The following TEX35 variants were observed in gnomAD, a reference collection of about 807,000 sequenced individuals.
TEX35 encodes the protein testis-expressed protein 35.
A neutral mutation model predicts 31.9 loss-of-function variants in TEX35; 26 were observed. The observed-to-expected ratio is 0.81, with a 90% CI of 0.60 to 1.13. The LOEUF is 1.13. TEX35 is among the 50% of genes most tolerant of loss of function. The pLI, the probability that TEX35 is intolerant of heterozygous loss-of-function variation, is 0.00. For synonymous variants in TEX35, 87 were observed against 90.7 expected (o/e 0.96, Z 0.23); for missense variants, 278 against 273.5 (o/e 1.02, Z -0.12).
Position 178,513,138 on chromosome 1 carries a change from G to T in TEX35, c.-51G>T. On this transcript the variant is annotated 5_prime_UTR_variant, in exon 1 of 9. Transcript: ENST00000319416. ...TGTAAGTTGCCTAGGACAGTGGCCT[G>T]GTCCCAGGGGCTGTTGTGGGGAGTT... is the stretch of plus-strand genomic sequence containing the variant. 6.3e-7 allele frequency: 1 copy of T among 1,595,940 alleles called. No individual in the cohort carries two copies. The highest frequency in any genetic ancestry group is 1.7e-5 in the Admixed American group (1 of 60,014).
At chr1:178,520,597 G>C (rs73040014) in intron 6 of TEX35, 76 bp from the exon 7 acceptor site, 1 of 1,591,720 alleles carries the variant, frequency 6.3e-7, no homozygotes, top group Non-Finnish European at 8.6e-7. Context: ...ATGGCCACCC[G>C]TGTACTGGTT....
At chr1:178,516,005 G>T in intron 4 of TEX35, 90 bp downstream of exon 4, 1 of 997,218 alleles carries the variant, frequency 1.0e-6, no homozygotes, top group South Asian at 1.4e-5. Context: ...AGGAAAGCAG[G>T]AATTGCATGG....
At chr1:178,523,193 T>C (rs1406230301), downstream of TEX35, 1 of 649,016 alleles carries the variant, frequency 1.5e-6, no homozygotes, top group Non-Finnish European at 2.8e-6. Flanking sequence ...TCCTCATTCA[T>C]CTGTTGATGA....
In TEX35 at chr1:178,521,174, T is replaced by G. The variant is rs202003188; in HGVS notation, c.544-48T>G. The G allele has an allele frequency of 2.0e-3, 3,291 of 1,613,802 alleles. 7 individuals are homozygous for G. The highest frequency in any genetic ancestry group is 2.6e-3 in the South Asian group (241 of 91,064). ...AAGGTGCCTAGCAGGCTGCCCTTCTTGGACCAGGGGAAATTGATCTTTCTT... is the reference window on the plus strand; with the variant it reads ...AAGGTGCCTAGCAGGCTGCCCTTCTGGGACCAGGGGAAATTGATCTTTCTT... On this transcript the variant is annotated intron_variant, in intron 7 of 8. Coordinates refer to ENST00000319416, the MANE Select transcript of TEX35 (RefSeq NM_032126.5).
intron 1 of TEX35, 27 bp from the exon 2 acceptor site, chr1:178,514,000 C>G (rs560745203): frequency 1.2e-6 from 2 of 1,612,378 alleles, no homozygotes; most frequent in Non-Finnish European, 1.7e-6. Context: ...GTCTGCCAGC[C>G]TGAATCTCAG....
At chr1:178,523,149 G>A (rs73040020), downstream of TEX35, among the ~76,000 whole-genome samples, 9,677 of 152,234 alleles carry the variant, frequency 0.064, 1,062 homozygotes, top group African/African-American at 0.22. Context: ...TTTTATGGCT[G>A]AATAGAACTC....
At chr1:178,520,992 C>T in intron 7 of TEX35, 118 bp downstream of exon 7, 1 of 1,548,462 alleles carries the variant, frequency 6.5e-7, no homozygotes. Flanking sequence ...CCGCTGCTGA[C>T]TTCTGGGTGC....
At chr1:178,523,108 C>T (rs1474289341), downstream of TEX35, among the ~76,000 whole-genome samples, 1 of 152,180 alleles carries the variant, frequency 6.6e-6, no homozygotes, top group East Asian at 1.9e-4. Flanking sequence ...CAGTTCCATC[C>T]ACATTGTTGC....
At chr1:178,518,558 A>G (rs895139168) in intron 5 of TEX35, among the ~76,000 whole-genome samples, 3 of 152,152 alleles carry the variant, frequency 2.0e-5, no homozygotes, top group African/African-American at 7.2e-5. Context: ...TATTTATAAT[A>G]AGAACTAAAA....
At chr1:178,515,444 G>A (rs1572173284) in intron 3 of TEX35, among the ~76,000 whole-genome samples, 2 of 152,130 alleles carry the variant, frequency 1.3e-5, no homozygotes, top group South Asian at 2.1e-4. Context: ...TTATGTTGTG[G>A]GATAACCCTC....
chr1:178,520,938 CT>C (rs1230928191), intron 7 of TEX35, 64 bp downstream of exon 7: 1 of 1,594,946 alleles, frequency 6.3e-7, no homozygotes, highest in African/African-American at 1.3e-5. Flanking sequence ...TCCCTGGTGA[CT>C]TCCCCGAGCT....
chr1:178,520,221 A>G (rs1650214339), intron 5 of TEX35, 151 bp from the exon 6 acceptor site: 3 of 671,528 alleles, frequency 4.5e-6, no homozygotes, highest in African/African-American at 1.8e-5. Context: ...GAGAAGCTGT[A>G]CATGTCACGG....
At chr1:178,514,625 G>T in intron 2 of TEX35, 75 bp from the exon 3 acceptor site, 1 of 1,421,266 alleles carries the variant, frequency 7.0e-7, no homozygotes, top group South Asian at 1.2e-5. Context: ...AAACACAGGG[G>T]GATCTCTTCT....
intron 2 of TEX35, 28 bp downstream of exon 2, chr1:178,514,105 G>T (rs749014396): frequency 6.2e-7 from 1 of 1,614,044 alleles, no homozygotes; most frequent in African/African-American, 1.3e-5. Flanking sequence ...GGCCATGCAG[G>T]CAGCCAGGCC....
At chr1:178,516,391 C>G (rs1028569557) in intron 4 of TEX35, among the ~76,000 whole-genome samples, 1 of 152,232 alleles carries the variant, frequency 6.6e-6, no homozygotes, top group Admixed American at 6.5e-5. Flanking sequence ...CTTGCAGTAG[C>G]CAGATCTAAG....
intron 3 of TEX35, among the ~76,000 whole-genome samples, chr1:178,515,307 C>T (rs1650036241): frequency 6.6e-6 from 1 of 152,108 alleles, no homozygotes; most frequent in South Asian, 2.1e-4. Context: ...AGGGTTTCAC[C>T]ATATTGGTTT....
At chr1:178,516,048 C>T in intron 4 of TEX35, 133 bp downstream of exon 4, 1 of 734,378 alleles carries the variant, frequency 1.4e-6, no homozygotes, top group East Asian at 2.7e-5. Flanking sequence ...ACCCAGAGCA[C>T]TTCAGTATTA....
chr1:178,520,235 C>T, intron 5 of TEX35, 137 bp from the exon 6 acceptor site: 1 of 797,738 alleles, frequency 1.3e-6, no homozygotes, highest in Non-Finnish European at 2.0e-6. Flanking sequence ...GTCACGGACA[C>T]TCCAAAAGCC....
rs1212066452 is a variant in TEX35, at chr1:178,521,667, C to T, written c.586+403C>T. 1.9e-6 allele frequency: 3 copies of T among 1,552,112 alleles called. No individual in the cohort carries two copies. The East Asian group carries it at 7.3e-5, about 38-fold the overall frequency. Reference sequence around the variant, plus strand: ...GGTGACATCGAATATGTGTTTCCAACCTAGCGCAGCTGCAGAACCTACCAG... The same window carrying T: ...GGTGACATCGAATATGTGTTTCCAATCTAGCGCAGCTGCAGAACCTACCAG... On this transcript the variant is annotated intron_variant, in intron 8 of 8. Coordinates refer to ENST00000319416, the MANE Select transcript of TEX35 (RefSeq NM_032126.5).
Sources: allele counts gnomAD v4.1 joint callset (sites outside exome capture counted in the v4.1 genomes callset), GRCh38; gene constraint gnomAD v4.1.1; transcripts MANE v1.5; gene names NCBI Gene and HGNC (gene_info 2026-07-23, HGNC 2026-07-21).